The following KLRG1 variants were observed in gnomAD, a reference collection of about 807,000 sequenced individuals.
The protein encoded by KLRG1 is killer cell lectin like receptor G1, also known as killer cell lectin-like receptor subfamily G member 1.
Under a neutral mutation model 21.8 loss-of-function variants are expected in KLRG1, and 16 were observed. The observed-to-expected ratio is 0.73, with a 90% confidence interval of 0.50 to 1.11. The LOEUF (loss-of-function observed/expected upper bound fraction) is 1.11, where lower values mean the gene tolerates loss of function less well. Among genes scored for constraint, KLRG1 ranks in the 50% most tolerant of loss-of-function variants. The pLI, the probability that KLRG1 is intolerant of heterozygous loss-of-function variation, is 0.00. For missense variants in KLRG1, 173 were observed against 218.3 expected (o/e 0.79, Z 1.31); for synonymous variants, 69 against 75.9 (o/e 0.91, Z 0.47).
the KLRG1 span, among the ~76,000 whole-genome samples, chr12:9,160,775 C>T: frequency 6.6e-6 from 1 of 151,934 alleles, no homozygotes; most frequent in South Asian, 2.1e-4. Flanking sequence ...ATTAGCCGGG[C>T]GTGGTGGCGG....
chr12:9,067,698 A>C, the KLRG1 span: 1 of 813,492 alleles, frequency 1.2e-6, no homozygotes, highest in Non-Finnish European at 2.1e-6. Flanking sequence ...ATGAACAGGA[A>C]ACAGGGAAAG....
the KLRG1 span, chr12:9,077,353 G>A: frequency 6.2e-7 from 1 of 1,612,964 alleles, no homozygotes; most frequent in African/African-American, 1.3e-5. Context: ...TACAGTGACT[G>A]TGAGAGGAAT....
the KLRG1 span, among the ~76,000 whole-genome samples, chr12:9,116,575 T>G: frequency 1.3e-5 from 2 of 152,106 alleles, no homozygotes; most frequent in South Asian, 4.1e-4. Flanking sequence ...CCAATTGCCT[T>G]TACCATCGAC....
chr12:9,189,278 A>G, the KLRG1 span, among the ~76,000 whole-genome samples: 3 of 152,246 alleles, frequency 2.0e-5, no homozygotes, highest in East Asian at 5.8e-4. Flanking sequence ...CCAAAACAGC[A>G]TAGTACTTGT....
chr12:9,091,332 T>C, the KLRG1 span: 1 of 1,614,162 alleles, frequency 6.2e-7, no homozygotes, highest in African/African-American at 1.3e-5. Flanking sequence ...GTGGAAGAGA[T>C]ACCAAGTCCA....
At chr12:9,112,172 G>A in the KLRG1 span, 8 of 1,613,714 alleles carry the variant, frequency 5.0e-6, no homozygotes, top group Non-Finnish European at 6.8e-6. Flanking sequence ...CTCATTCAGG[G>A]GGTGAAAGTT....
chr12:9,021,831 T>C, the KLRG1 span, among the ~76,000 whole-genome samples: 4 of 152,332 alleles, frequency 2.6e-5, no homozygotes, highest in Non-Finnish European at 5.9e-5. Flanking sequence ...AAGTAAGGCA[T>C]GGAGCTGACA....
At chr12:9,183,136 T>C in the KLRG1 span, among the ~76,000 whole-genome samples, 1 of 152,212 alleles carries the variant, frequency 6.6e-6, no homozygotes, top group African/African-American at 2.4e-5. Context: ...GTATTAAAAA[T>C]TAAGTCTAAT....
the KLRG1 span, among the ~76,000 whole-genome samples, chr12:9,172,011 A>G: frequency 2.0e-5 from 3 of 152,156 alleles, no homozygotes; most frequent in Non-Finnish European, 4.4e-5. Context: ...GATACTCCAC[A>G]AGAACATCAA....
At chr12:9,095,782 T>G in the KLRG1 span, 5 of 1,227,018 alleles carry the variant, frequency 4.1e-6, no homozygotes, top group Non-Finnish European at 5.4e-6. Context: ...AGACGGAGTC[T>G]CGCTCTGTCG....
At chr12:8,989,859 C>G in intron 1 of KLRG1, 142 bp downstream of exon 1, 1 of 594,236 alleles carries the variant, frequency 1.7e-6, no homozygotes, top group Non-Finnish European at 3.0e-6. Context: ...GTTTAAAGTC[C>G]AGAGTTGGAA....
the KLRG1 span, chr12:9,202,677 C>T: frequency 1.9e-6 from 3 of 1,613,076 alleles, no homozygotes; most frequent in East Asian, 6.7e-5. Context: ...GGCTGAGATC[C>T]TTGGGAGCTA....
the KLRG1 span, chr12:9,099,564 A>G: frequency 6.4e-7 from 1 of 1,574,616 alleles, no homozygotes; most frequent in Non-Finnish European, 8.6e-7. Context: ...TCATAGGTTA[A>G]TGACTATTTC....
At chr12:9,046,275 G>A in the KLRG1 span, among the ~76,000 whole-genome samples, 1 of 152,168 alleles carries the variant, frequency 6.6e-6, no homozygotes, top group Non-Finnish European at 1.5e-5. Flanking sequence ...ATTATGAAAA[G>A]TATAATATAC....
At chr12:9,191,182 C>T in the KLRG1 span, among the ~76,000 whole-genome samples, 6 of 151,962 alleles carry the variant, frequency 3.9e-5, no homozygotes, top group African/African-American at 1.4e-4. Context: ...GAATAAAATT[C>T]AAATTGGAAT....
chr12:9,029,362 T>C, the KLRG1 span, among the ~76,000 whole-genome samples: 1 of 151,818 alleles, frequency 6.6e-6, no homozygotes, highest in African/African-American at 2.4e-5. Context: ...ATTACAGGCA[T>C]GTGCCACCAG....
At chr12:9,072,299 T>A in the KLRG1 span, 1 of 1,581,682 alleles carries the variant, frequency 6.3e-7, no homozygotes, top group South Asian at 1.2e-5. Flanking sequence ...TAAAGAGGAG[T>A]TCCCGAAAGA....
chr12:9,020,719 T>C, the KLRG1 span, among the ~76,000 whole-genome samples: 1 of 152,226 alleles, frequency 6.6e-6, no homozygotes, highest in Non-Finnish European at 1.5e-5. Flanking sequence ...AAAGCTGTTA[T>C]GAACATTTGG....
chr12:9,209,732 T>G, the KLRG1 span, among the ~76,000 whole-genome samples: 2 of 152,156 alleles, frequency 1.3e-5, no homozygotes, highest in Non-Finnish European at 2.9e-5. Context: ...TGATATGTAT[T>G]CTTCAAGATG....
Sources: gnomAD v4.1 joint callset for allele counts (sites outside exome capture counted in the v4.1 genomes callset) on GRCh38, gnomAD v4.1.1 for gene constraint, MANE v1.5 for transcripts, NCBI Gene and HGNC (gene_info 2026-07-23, HGNC 2026-07-21) for gene names.